The following CTSG variants were observed in gnomAD, a reference collection of about 807,000 sequenced individuals.
CTSG encodes the protein cathepsin G.
In CTSG, 23 loss-of-function variants were observed where a neutral mutation model predicts 23.0. The observed-to-expected ratio is 1.00, with a 90% CI of 0.72 to 1.42. The LOEUF (loss-of-function observed/expected upper bound fraction) is 1.42. Among genes scored for constraint, CTSG ranks in the 40% most tolerant of loss-of-function variants. The probability of loss-of-function intolerance (pLI) is 0.00; values close to 1 mark genes in which losing one functional copy is unlikely to be tolerated. For synonymous variants in CTSG, 140 were observed against 130.4 expected (o/e 1.07, Z -0.50); for missense variants, 312 against 326.2 (o/e 0.96, Z 0.33).
intron 4 of CTSG, 51 bp downstream of exon 4, chr14:24,574,193 TC>T: frequency 1.3e-6 from 2 of 1,592,988 alleles, no homozygotes; most frequent in Non-Finnish European, 8.5e-7. Flanking sequence ...ACTGCCTGGC[TC>T]TGCACGGGCC....
intron 1 of CTSG, among the ~76,000 whole-genome samples, chr14:24,575,626 C>T (rs996427611): frequency 1.3e-5 from 2 of 152,140 alleles, no homozygotes; most frequent in African/African-American, 4.8e-5. Context: ...GAAAGGAGCC[C>T]TTTTCCCCAT....
chr14:24,573,729 C>T lies in CTSG; in HGVS notation c.676G>A (p.Glu226Lys), dbSNP rs1277584108. The change falls in exon 5 of 5, where the codon GAA (glutamate) becomes AAA (lysine). Residue 226 changes from glutamate (E) to lysine (K), a missense_variant. Physicochemically the swap from Glu to Lys is moderately conservative, Grantham distance 56. Transcript: ENST00000216336. Reference sequence around the variant, plus strand: ...AAACTTGAGACCCTGGTGAAGACTTCTGGAGGAACCCCTGACGACTTTCCA... The same window carrying T: ...AAACTTGAGACCCTGGTGAAGACTTTTGGAGGAACCCCTGACGACTTTCCA... ...SYGKSSGVPP[E>K]VFTRVSSFLP... The T allele has an allele frequency of 6.2e-7, 1 of 1,614,134 alleles. No individual in the cohort carries two copies. Among genetic ancestry groups the T allele is most frequent in the Admixed American group, 1.7e-5 (1 of 60,016 alleles).
intron 1 of CTSG, among the ~76,000 whole-genome samples, chr14:24,575,892 G>A (rs1438767086): frequency 1.3e-5 from 2 of 152,136 alleles, no homozygotes; most frequent in Non-Finnish European, 2.9e-5. Flanking sequence ...TACCTCCTAG[G>A]TAGGGTCTGA....
At chr14:24,576,014 C>T (rs1015078192) in intron 1 of CTSG, among the ~76,000 whole-genome samples, 155 bp downstream of exon 1, 2 of 152,184 alleles carry the variant, frequency 1.3e-5, no homozygotes, top group Non-Finnish European at 2.9e-5. Context: ...GGCAACTCTG[C>T]AAGATCGGTA....
At position 24,574,630 on chromosome 14, in the gene CTSG, C is replaced by G. The variant is rs17105289; in HGVS notation, c.339+45G>C. ...TTGCCCTCACTTCCTCCTCCATTGT[C>G]CCCGGACACACTAGGAAGGAGCCAG... is the stretch of plus-strand genomic sequence containing the variant. On this transcript the variant is annotated intron_variant, in intron 3 of 4. Coordinates refer to ENST00000216336, the MANE Select transcript of CTSG (RefSeq NM_001911.3). The G allele has an allele frequency of 4.0e-3, 6,488 of 1,613,910 alleles. 254 individuals carry two copies. The African/African-American group carries it at 0.078, about 19-fold the overall frequency.
chr14:24,573,645 G>A lies in CTSG; in HGVS notation c.760C>T (p.Pro254Ser), dbSNP rs745616582. The change falls in exon 5 of 5, where the codon CCC becomes TCC. Residue 254 changes from proline to serine, a missense_variant. Physicochemically the swap from Pro to Ser is moderately conservative, Grantham distance 74. Transcript: ENST00000216336. ...SFKLLDQMET[P>S]L Reference sequence around the variant, plus strand: ...CCGAGAAGAAGAGTCAGTCACAGGGGGGTCTCCATCTGATCCAGCAGTTTG... The same window carrying A: ...CCGAGAAGAAGAGTCAGTCACAGGGAGGTCTCCATCTGATCCAGCAGTTTG... 6.2e-7 allele frequency: 1 copy of A among 1,613,402 alleles called. No individual in the cohort carries two copies. The highest frequency in any genetic ancestry group is 8.5e-7 in the Non-Finnish European group (1 of 1,179,578).
At chr14:24,575,554 GAGTCT>G in intron 1 of CTSG, 142 bp from the exon 2 acceptor site, 1 of 852,160 alleles carries the variant, frequency 1.2e-6, no homozygotes, top group South Asian at 1.5e-5. Context: ...CTGAGGCTTG[GAGTCT>G]ATGGGGCAGC....
At chr14:24,574,543 G>A in intron 3 of CTSG, 44 bp from the exon 4 acceptor site, 1 of 1,612,082 alleles carries the variant, frequency 6.2e-7, no homozygotes, top group South Asian at 1.1e-5. Flanking sequence ...GGGGCCTCCA[G>A]CCAAGGCTCG....
At chr14:24,575,023 TGATA>T in intron 2 of CTSG, 1 of 702,156 alleles carries the variant, frequency 1.4e-6, no homozygotes, top group Non-Finnish European at 2.3e-6. Context: ...CAGATTAAGT[TGATA>T]AATAGCCTGA....
chr14:24,574,727 C>T lies in CTSG; in HGVS notation c.287G>A (p.Arg96His), dbSNP rs768436752. The T allele has an allele frequency of 1.9e-6, 3 of 1,614,180 alleles. No homozygotes were observed. The highest frequency in any genetic ancestry group is 2.5e-6 in the Non-Finnish European group (3 of 1,180,034). ...QQHITARRAIRHPQYNQRTIQ... is the reference protein window; with the variant it reads ...QQHITARRAIHHPQYNQRTIQ... Reference sequence around the variant, plus strand: ...GGTCCGCTGATTATATTGAGGGTGGCGGATGGCTCTGCGCGCAGTGATGTG... The same window carrying T: ...GGTCCGCTGATTATATTGAGGGTGGTGGATGGCTCTGCGCGCAGTGATGTG... Residue 96 changes from arginine (R) to histidine (H), a missense_variant, in exon 3 of 5, where the codon CGC (arginine) becomes CAC (histidine). Physicochemically the swap from Arg to His is conservative, Grantham distance 29 (BLOSUM62 0). Transcript: ENST00000216336.
chr14:24,576,084 T>C lies in CTSG; in HGVS notation c.55+85A>G. 2.0e-5 allele frequency: 22 copies of C among 1,104,314 alleles called. 1 individual carries two copies. In the South Asian group the frequency reaches 2.9e-4, roughly 15 times the overall value. 68.4% of individuals were successfully genotyped at this position (1,104,314 alleles called of 1,614,324 possible). A position where few individuals can be genotyped will look rare whatever the true frequency, so the allele number is the denominator to read the frequency against. ...CAAATTCAAATAACTTGCTCAACAGTACAGAATTAGGATATACCAAGGCAA... is the reference window on the plus strand; with the variant it reads ...CAAATTCAAATAACTTGCTCAACAGCACAGAATTAGGATATACCAAGGCAA... On this transcript the variant is annotated intron_variant, in intron 1 of 4. Coordinates refer to ENST00000216336, the MANE Select transcript of CTSG (RefSeq NM_001911.3).
Position 24,573,576 on chromosome 14 carries a change from C to G in CTSG, c.*61G>C. 2 of 1,477,628 alleles carry G rather than the reference C, an allele frequency of 1.4e-6. No homozygotes were observed. The highest frequency in any genetic ancestry group is 1.8e-6 in the Non-Finnish European group (2 of 1,084,784). 91.5% of individuals were successfully genotyped at this position (1,477,628 alleles called of 1,614,324 possible). A position where few individuals can be genotyped will look rare whatever the true frequency, so the allele number is the denominator to read the frequency against. ...GAATTGGTTATTTATACTCTGTGGA[C>G]GTTTATTAAGGCTCTGGCAACACTG... On this transcript the variant is annotated 3_prime_UTR_variant, in exon 5 of 5. Coordinates refer to ENST00000216336, the MANE Select transcript of CTSG (RefSeq NM_001911.3).
At position 24,576,223 on chromosome 14, in the gene CTSG, TC is replaced by T. The variant is rs1447582522; in HGVS notation, c.-1del. The T allele has an allele frequency of 6.2e-7, 1 of 1,606,694 alleles. No homozygotes were observed. The highest frequency in any genetic ancestry group is 1.7e-5 in the Admixed American group (1 of 59,120). ...GCCAGCAGAAGCAGGAGTGGCTGCATCTTTCCTGAAAGGCTGCCCAGTCAGT... is the reference window on the plus strand; with the variant it reads ...GCCAGCAGAAGCAGGAGTGGCTGCATTTTCCTGAAAGGCTGCCCAGTCAGT... On this transcript the variant is annotated 5_prime_UTR_variant, in exon 1 of 5. Coordinates refer to ENST00000216336, the MANE Select transcript of CTSG (RefSeq NM_001911.3).
chr14:24,574,820 C>A lies in CTSG; in HGVS notation c.204-10G>T. On this transcript the variant is annotated splice_polypyrimidine_tract_variant and intron_variant, in intron 2 of 4. Coordinates refer to ENST00000216336, the MANE Select transcript of CTSG (RefSeq NM_001911.3). ...GGTGACATTTATATTGCTGCAAAAG[C>A]AAGAGGTAGGTCTGGGCTGCAGGAG... 1 of 1,613,162 alleles carries A rather than the reference C, an allele frequency of 6.2e-7. No individual in the cohort carries two copies. The highest frequency in any genetic ancestry group is 8.5e-7 in the Non-Finnish European group (1 of 1,180,016).
intron 4 of CTSG, 129 bp from the exon 5 acceptor site, chr14:24,573,939 T>C (rs1215588527): frequency 7.0e-6 from 6 of 857,932 alleles, no homozygotes; most frequent in Admixed American, 5.3e-5. Flanking sequence ...AGATGGAAGA[T>C]CGGTGGGGTA....
intron 1 of CTSG, 65 bp downstream of exon 1, chr14:24,576,104 A>G: frequency 7.0e-7 from 1 of 1,418,918 alleles, no homozygotes; most frequent in South Asian, 1.2e-5. Context: ...GGATATACCA[A>G]GGCAATTTGG....
intron 1 of CTSG, 132 bp from the exon 2 acceptor site, chr14:24,575,544 C>A: frequency 1.0e-6 from 1 of 966,632 alleles, no homozygotes; most frequent in Non-Finnish European, 1.6e-6. Context: ...GGAGATGGTG[C>A]TGAGGCTTGG....
At chr14:24,573,870 CT>C in intron 4 of CTSG, 60 bp from the exon 5 acceptor site, 1 of 1,494,784 alleles carries the variant, frequency 6.7e-7, no homozygotes, top group Non-Finnish European at 9.1e-7. Flanking sequence ...CTTCCCTGAG[CT>C]CCGGGCTCTC....
rs767721926 is a variant in CTSG, at chr14:24,573,732, G to A, written c.673C>T (p.Pro225Ser). The A allele has an allele frequency of 1.9e-6, 3 of 1,614,074 alleles. No individual in the cohort carries two copies. In the South Asian group the frequency reaches 3.3e-5, roughly 18 times the overall value. Residue 225 changes from proline to serine, a missense_variant, in exon 5 of 5, where the codon CCA becomes TCA. Physicochemically the swap from Pro to Ser is moderately conservative, Grantham distance 74. Coordinates refer to ENST00000216336, the MANE Select transcript of CTSG (RefSeq NM_001911.3). ...VSYGKSSGVPPEVFTRVSSFL... is the reference protein window; with the variant it reads ...VSYGKSSGVPSEVFTRVSSFL... ...CTTGAGACCCTGGTGAAGACTTCTGGAGGAACCCCTGACGACTTTCCATAG... is the reference window on the plus strand; with the variant it reads ...CTTGAGACCCTGGTGAAGACTTCTGAAGGAACCCCTGACGACTTTCCATAG...
Sources: allele counts gnomAD v4.1 joint callset (sites outside exome capture counted in the v4.1 genomes callset), GRCh38; gene constraint gnomAD v4.1.1; transcripts MANE v1.5; gene names NCBI Gene and HGNC (gene_info 2026-07-23, HGNC 2026-07-21).